Variants in MDGA2 observed in about 807,000 individuals in gnomAD.
MDGA2 encodes the protein MAM domain-containing glycosylphosphatidylinositol anchor protein 2.
A neutral mutation model predicts 117.8 loss-of-function variants in MDGA2; 40 were observed. That is an observed-to-expected ratio of 0.34 (90% CI 0.26 to 0.44). The LOEUF is 0.44. Among genes scored for constraint, MDGA2 ranks in the 20% least tolerant of loss-of-function variants. The pLI is 1.00. For missense variants in MDGA2, 1,123 were observed against 1,250.6 expected, an observed-to-expected ratio of 0.90 and a Z score of 1.54; for synonymous variants, 452 against 439.0, an observed-to-expected ratio of 1.03 and a Z score of -0.37.
intron 10 of MDGA2, among the ~76,000 whole-genome samples, chr14:46,909,366 A>C (rs1036054527): frequency 1.3e-5 from 2 of 152,160 alleles, no homozygotes; most frequent in Non-Finnish European, 2.9e-5. Context: ...ATTTCTTACA[A>C]GTTCAAGGAA....
chr14:47,124,998 C>T (rs1203239438), intron 5 of MDGA2, among the ~76,000 whole-genome samples: 1 of 152,084 alleles, frequency 6.6e-6, no homozygotes, highest in Non-Finnish European at 1.5e-5. Flanking sequence ...CATCATCATA[C>T]GTATACCATC....
At chr14:46,972,271 C>T (rs1886300254) in intron 8 of MDGA2, among the ~76,000 whole-genome samples, 1 of 152,114 alleles carries the variant, frequency 6.6e-6, no homozygotes, top group Admixed American at 6.6e-5. Context: ...ATGTGGAAAA[C>T]ACACCAGGTA....
chr14:47,000,774 G>T (rs1338872038), intron 8 of MDGA2, among the ~76,000 whole-genome samples: 1 of 151,784 alleles, frequency 6.6e-6, no homozygotes, highest in Non-Finnish European at 1.5e-5. Flanking sequence ...TGCAAAGGAA[G>T]CTACACTTTG....
intron 2 of MDGA2, among the ~76,000 whole-genome samples, chr14:47,296,386 T>C (rs534150398): frequency 1.2e-3 from 186 of 152,282 alleles, no homozygotes; most frequent in African/African-American, 4.1e-3. Context: ...GGAGGTGCAA[T>C]TGGCAACATG....
chr14:47,190,503 T>A (rs1885068798), intron 3 of MDGA2, among the ~76,000 whole-genome samples: 1 of 152,178 alleles, frequency 6.6e-6, no homozygotes, highest in Non-Finnish European at 1.5e-5. Context: ...CTTCACAGAT[T>A]GACTTGAATG....
intron 2 of MDGA2, among the ~76,000 whole-genome samples, chr14:47,282,847 C>T (rs1008147903): frequency 6.7e-6 from 1 of 149,736 alleles, no homozygotes; most frequent in Non-Finnish European, 1.5e-5. Flanking sequence ...ACTCAGGAGG[C>T]TAAGGTTAGG....
chr14:47,101,294 AC>A (rs1388514044), intron 5 of MDGA2, among the ~76,000 whole-genome samples: 2 of 152,150 alleles, frequency 1.3e-5, no homozygotes, highest in African/African-American at 4.8e-5. Context: ...AATAACTGCA[AC>A]ATAGAAAGTA....
chr14:46,962,314 T>A (rs1351290986), intron 8 of MDGA2, among the ~76,000 whole-genome samples: 1 of 152,212 alleles, frequency 6.6e-6, no homozygotes, highest in African/African-American at 2.4e-5. Flanking sequence ...GTCACACATT[T>A]CCTGCACTCC....
intron 1 of MDGA2, among the ~76,000 whole-genome samples, chr14:47,607,124 C>T (rs8020502): frequency 0.24 from 37,016 of 151,902 alleles, 5,658 homozygotes; most frequent in South Asian, 0.47. Context: ...GATATAAATA[C>T]CCAAGGAAAA....
intron 1 of MDGA2, among the ~76,000 whole-genome samples, chr14:47,560,556 G>GT (rs1895779903): frequency 6.6e-6 from 1 of 152,084 alleles, no homozygotes; most frequent in African/African-American, 2.4e-5. Flanking sequence ...GTGGTTGTTT[G>GT]TTTTTTGCTT....
intron 3 of MDGA2, among the ~76,000 whole-genome samples, chr14:47,178,289 C>A (rs182075974): frequency 6.6e-6 from 1 of 152,228 alleles, no homozygotes; most frequent in East Asian, 1.9e-4. Flanking sequence ...TTTCTAGGGC[C>A]ATTGTTTCTT....
chr14:47,650,734 T>G (rs565489288), intron 1 of MDGA2, among the ~76,000 whole-genome samples: 1 of 152,202 alleles, frequency 6.6e-6, no homozygotes, highest in Non-Finnish European at 1.5e-5. Context: ...TATTGTAAAA[T>G]AAAAATATGT....
chr14:47,383,965 T>C (rs1253005007), intron 1 of MDGA2, among the ~76,000 whole-genome samples: 3 of 121,904 alleles, frequency 2.5e-5, no homozygotes, highest in African/African-American at 9.1e-5. Context: ...TCTCTATGTA[T>C]AGAGTTAAAT....
At chr14:47,277,025 C>A (rs1888330427) in intron 2 of MDGA2, among the ~76,000 whole-genome samples, 1 of 152,144 alleles carries the variant, frequency 6.6e-6, no homozygotes, top group Non-Finnish European at 1.5e-5. Context: ...CAGGGCCTGA[C>A]CACGGCGGAC....
At chr14:47,152,941 G>A (rs547211379) in intron 3 of MDGA2, among the ~76,000 whole-genome samples, 29 of 152,260 alleles carry the variant, frequency 1.9e-4, no homozygotes, top group African/African-American at 6.7e-4. Context: ...CAAGTATAGA[G>A]TAATGTATAC....
At chr14:47,359,211 G>A (rs761516575) in intron 1 of MDGA2, among the ~76,000 whole-genome samples, 3 of 151,970 alleles carry the variant, frequency 2.0e-5, no homozygotes, top group Non-Finnish European at 4.4e-5. Flanking sequence ...AAAATTAGCT[G>A]GGCGTGGTGG....
intron 1 of MDGA2, among the ~76,000 whole-genome samples, chr14:47,421,164 C>T (rs965549180): frequency 2.0e-5 from 3 of 152,186 alleles, no homozygotes; most frequent in East Asian, 1.9e-4. Context: ...TTTGATGTAA[C>T]GTATCTGGAG....
At chr14:47,597,606 T>C (rs1896567683) in intron 1 of MDGA2, among the ~76,000 whole-genome samples, 1 of 152,112 alleles carries the variant, frequency 6.6e-6, no homozygotes, top group African/African-American at 2.4e-5. Flanking sequence ...TTATATTCAT[T>C]GCTTATGAAT....
At chr14:47,105,612 T>C (rs1296915139) in intron 5 of MDGA2, among the ~76,000 whole-genome samples, 1 of 151,968 alleles carries the variant, frequency 6.6e-6, no homozygotes, top group Non-Finnish European at 1.5e-5. Flanking sequence ...TTTGAATTTT[T>C]CCATCCTGCA....
Sources: gnomAD v4.1 joint callset for allele counts (sites outside exome capture counted in the v4.1 genomes callset) on GRCh38, gnomAD v4.1.1 for gene constraint, MANE v1.5 for transcripts, NCBI Gene and HGNC (gene_info 2026-07-23, HGNC 2026-07-21) for gene names.